Variants in FMNL3 observed in about 807,000 individuals in gnomAD.
FMNL3 encodes formin-like protein 3.
In FMNL3, 57 loss-of-function variants were observed where a neutral mutation model predicts 119.6. The ratio of observed to expected loss-of-function variants is 0.48; its 90% CI spans 0.39 to 0.59. The LOEUF (loss-of-function observed/expected upper bound fraction) is 0.59, where lower values mean the gene tolerates loss of function less well. Ranked by LOEUF, FMNL3 falls within the 20% of genes least tolerant of loss-of-function variation. The pLI, the probability that FMNL3 is intolerant of heterozygous loss-of-function variation, is 0.00. For missense variants in FMNL3, 1,053 were observed against 1,323.5 expected (o/e 0.80, Z 3.17); for synonymous variants, 491 against 507.3 (o/e 0.97, Z 0.43).
At chr12:49,696,832 T>A (rs1010579199) in intron 1 of FMNL3, among the ~76,000 whole-genome samples, 3 of 152,240 alleles carry the variant, frequency 2.0e-5, no homozygotes, top group Non-Finnish European at 4.4e-5. Context: ...CATTATTTTA[T>A]CTGAACCAAT....
chr12:49,660,024 G>A, intron 5 of FMNL3: 1 of 933,172 alleles, frequency 1.1e-6, no homozygotes, highest in Non-Finnish European at 1.3e-6. Context: ...AGGCTTTAGT[G>A]TCCTCATGAT....
intron 1 of FMNL3, among the ~76,000 whole-genome samples, chr12:49,698,655 A>C (rs903249416): frequency 1.3e-5 from 2 of 152,170 alleles, no homozygotes; most frequent in East Asian, 3.9e-4. Context: ...TAAAAGAGGA[A>C]AAGAGAAGTA....
Position 49,637,242 on chromosome 12 carries a change from T to C in FMNL3, c.*8573A>G, listed in dbSNP as rs890138759. 4 of 577,666 alleles carry C rather than the reference T, an allele frequency of 6.9e-6. No individual in the cohort carries two copies. The highest frequency in any genetic ancestry group is 1.2e-5 in the Non-Finnish European group (4 of 324,916). 35.8% of individuals were successfully genotyped at this position (577,666 alleles called of 1,614,324 possible). A position where few individuals can be genotyped will look rare whatever the true frequency, so the allele number is the denominator to read the frequency against. ...TTTCTGTTTCTTTGCATCCCGGGAC[T>C]GGCTTGTTCTCACCTTTTTGTTCTG... On this transcript the variant is annotated 3_prime_UTR_variant, in exon 26 of 26. Transcript: ENST00000335154.
chr12:49,643,296 CAG>C lies in FMNL3; in HGVS notation c.*2517_*2518del. 6.2e-7 allele frequency: 1 copy of C among 1,613,240 alleles called. No individual in the cohort carries two copies. The highest frequency in any genetic ancestry group is 8.5e-7 in the Non-Finnish European group (1 of 1,179,742). On this transcript the variant is annotated 3_prime_UTR_variant, in exon 26 of 26. Transcript: ENST00000335154. ...CCCAAGCGGAGGAGGCGGAACCCCTCAGAGTCAGGCTCTGAGCCCTCTTCCTC... is the reference window on the plus strand; with the variant it reads ...CCCAAGCGGAGGAGGCGGAACCCCTCAGTCAGGCTCTGAGCCCTCTTCCTC...
intron 4 of FMNL3, among the ~76,000 whole-genome samples, chr12:49,662,302 G>A (rs954084682): frequency 1.3e-5 from 2 of 152,170 alleles, no homozygotes; most frequent in African/African-American, 2.4e-5. Flanking sequence ...AGACAAACAA[G>A]CTCTCAGGTA....
At chr12:49,691,367 T>C (rs931777408) in intron 1 of FMNL3, among the ~76,000 whole-genome samples, 11 of 152,172 alleles carry the variant, frequency 7.2e-5, no homozygotes, top group Non-Finnish European at 1.3e-4. Context: ...CTGAACCGAC[T>C]TGACTTTGAG....
intron 2 of FMNL3, among the ~76,000 whole-genome samples, chr12:49,666,723 G>A (rs888375219): frequency 7.9e-5 from 12 of 152,086 alleles, no homozygotes; most frequent in African/African-American, 1.2e-4. Context: ...CTTGAGCCCC[G>A]GAGTTTGAGG....
chr12:49,648,371 G>C lies in FMNL3; in HGVS notation c.2516-18C>G, dbSNP rs762241271. The C allele has an allele frequency of 6.2e-7, 1 of 1,604,246 alleles. No homozygotes were observed. On this transcript the variant is annotated intron_variant, in intron 21 of 25. Coordinates refer to ENST00000335154, the MANE Select transcript of FMNL3 (RefSeq NM_175736.5). ...CAGGGACACTGGTCACCAAAAGCCT[G>C]GCTGAGGAATGCCTAGGGCCTGGCA...
At chr12:49,678,373 G>A (rs995738834) in intron 1 of FMNL3, among the ~76,000 whole-genome samples, 9 of 151,496 alleles carry the variant, frequency 5.9e-5, no homozygotes, top group Admixed American at 2.0e-4. Flanking sequence ...GGCCAGGCTG[G>A]TCTCAAACTC....
intron 2 of FMNL3, among the ~76,000 whole-genome samples, chr12:49,666,446 T>C (rs1943892833): frequency 6.6e-6 from 1 of 152,208 alleles, no homozygotes; most frequent in African/African-American, 2.4e-5. Flanking sequence ...AAAATGTTTT[T>C]CTATGTCAAA....
chr12:49,684,275 A>G lies in FMNL3; in HGVS notation c.127-15721T>C, dbSNP rs1944405112. Among the ~76,000 whole-genome samples, 4 of 152,254 alleles carry G rather than the reference A, an allele frequency of 2.6e-5. No individual in the cohort carries two copies. The South Asian group carries it at 8.3e-4, about 32-fold the overall frequency. On this transcript the variant is annotated intron_variant, in intron 1 of 25. Coordinates refer to ENST00000335154, the MANE Select transcript of FMNL3 (RefSeq NM_175736.5). ...AGGCAGGGAAAATGACACCTTAACC[A>G]TTCTCAGTTCACCACCTCAGAGGCC... is the stretch of plus-strand genomic sequence containing the variant.
rs992619642 is a variant in FMNL3 at position 49,707,184 on chromosome 12, G to A, written c.-4C>T. 7 of 1,544,696 alleles carry A rather than the reference G, an allele frequency of 4.5e-6. No homozygotes were observed. Among genetic ancestry groups the A allele is most frequent in the African/African-American group, 4.2e-5 (3 of 71,208 alleles). On this transcript the variant is annotated 5_prime_UTR_variant, in exon 1 of 26. Coordinates refer to ENST00000335154, the MANE Select transcript of FMNL3 (RefSeq NM_175736.5). Reference sequence around the variant, plus strand: ...CGGCGCTCTCCAGGTTGCCCATCGCGGCGGGGCCCCCTCAGGGGCCTCGGC... The same window carrying A: ...CGGCGCTCTCCAGGTTGCCCATCGCAGCGGGGCCCCCTCAGGGGCCTCGGC...
chr12:49,706,279 G>A (rs75104856), intron 1 of FMNL3, among the ~76,000 whole-genome samples: 3,392 of 152,096 alleles, frequency 0.022, 134 homozygotes, highest in African/African-American at 0.078. Flanking sequence ...TATACAGACC[G>A]TTTGAAACCC....
chr12:49,684,916 G>C (rs1944419342), intron 1 of FMNL3, among the ~76,000 whole-genome samples: 1 of 152,202 alleles, frequency 6.6e-6, no homozygotes, highest in Admixed American at 6.5e-5. Context: ...TCTGTCCAAA[G>C]TAAGGGGCCC....
At chr12:49,655,246 A>G (rs1277277824) in intron 9 of FMNL3, among the ~76,000 whole-genome samples, 2 of 152,208 alleles carry the variant, frequency 1.3e-5, no homozygotes, top group Non-Finnish European at 2.9e-5. Context: ...AGCCTGGGCA[A>G]CATGGTGAAA....
intron 1 of FMNL3, among the ~76,000 whole-genome samples, chr12:49,705,777 G>A: frequency 6.6e-6 from 1 of 152,220 alleles, no homozygotes; most frequent in East Asian, 1.9e-4. Context: ...CGGGCAGAGA[G>A]GTGCCAGCGA....
intron 13 of FMNL3, among the ~76,000 whole-genome samples, chr12:49,652,459 C>T (rs958924656): frequency 3.9e-5 from 6 of 152,208 alleles, no homozygotes; most frequent in Admixed American, 2.6e-4. Context: ...CCAATTCTCA[C>T]TGCATGGGCC....
chr12:49,678,850 G>C (rs1020349200), intron 1 of FMNL3, among the ~76,000 whole-genome samples: 3 of 152,182 alleles, frequency 2.0e-5, no homozygotes, highest in African/African-American at 7.2e-5. Flanking sequence ...CAAGGAGACA[G>C]TATTTGCAAA....
rs1942909177 is a variant in FMNL3, at chr12:49,643,246, G to A, written c.*2569C>T. The stretch of plus-strand genomic sequence containing the variant: ...AGGGCTCTGAGTCAGAAGAAGAGGA[G>A]CTGCCCCCACCATCTCTCCGGCCCC... On this transcript the variant is annotated 3_prime_UTR_variant, in exon 26 of 26. Coordinates refer to ENST00000335154, the MANE Select transcript of FMNL3 (RefSeq NM_175736.5). 6.2e-7 allele frequency: 1 copy of A among 1,614,134 alleles called. No individual in the cohort carries two copies. Among genetic ancestry groups the A allele is most frequent in the Non-Finnish European group, 8.5e-7 (1 of 1,180,038 alleles).
Sources: gnomAD v4.1 joint callset for allele counts (sites outside exome capture counted in the v4.1 genomes callset) on GRCh38, gnomAD v4.1.1 for gene constraint, MANE v1.5 for transcripts, NCBI Gene and HGNC (gene_info 2026-07-23, HGNC 2026-07-21) for gene names.